DNAH17: variants seen among roughly 807,000 people sequenced by gnomAD.
DNAH17 encodes axonemal beta dynein heavy chain 17.
DNAH17 carries 376 observed loss-of-function variants against 485.6 expected under a neutral mutation model. The observed-to-expected ratio is 0.77, with a 90% CI of 0.71 to 0.84. The LOEUF is 0.84. Among genes scored for constraint, DNAH17 ranks in the 40% least tolerant of loss-of-function variants. The probability of loss-of-function intolerance (pLI) is 0.00; values close to 1 mark genes in which losing one functional copy is unlikely to be tolerated. For synonymous variants in DNAH17, 3,031 were observed against 2,405.9 expected, an observed-to-expected ratio of 1.26 and a Z score of -7.60; for missense variants, 6,370 against 5,839.3, an observed-to-expected ratio of 1.09 and a Z score of -2.96.
chr17:78,465,689 C>T (rs1029423260), intron 56 of DNAH17, among the ~76,000 whole-genome samples: 162 of 150,976 alleles, frequency 1.1e-3, no homozygotes, highest in Middle Eastern at 6.8e-3. Context: ...AGACCCTCTG[C>T]CCGGCAACCG....
rs374834495 is a variant in DNAH17 at position 78,505,480 on chromosome 17, G to C, written c.4804-35C>G. ...GGCAAGAAGCGGGAATTATGCAACGGGGGATTTGAAAGGCATGTGCGTGGC... is the reference window on the plus strand; with the variant it reads ...GGCAAGAAGCGGGAATTATGCAACGCGGGATTTGAAAGGCATGTGCGTGGC... On this transcript the variant is annotated intron_variant, in intron 30 of 80. Coordinates refer to ENST00000389840, the MANE Select transcript of DNAH17 (RefSeq NM_173628.4). The C allele has an allele frequency of 9.3e-6, 15 of 1,613,278 alleles. No individual in the cohort carries two copies. In the African/African-American group the frequency reaches 1.6e-4, roughly 17 times the overall value.
At chr17:78,468,167 A>AT (rs567896067) in intron 55 of DNAH17, among the ~76,000 whole-genome samples, 362 of 151,990 alleles carry the variant, frequency 2.4e-3, no homozygotes, top group Non-Finnish European at 4.1e-3. Context: ...TGTTAAAAAA[A>AT]AATAATAAAA....
At chr17:78,510,679 T>G in intron 26 of DNAH17, 173 bp from the exon 27 acceptor site, 1 of 782,104 alleles carries the variant, frequency 1.3e-6, no homozygotes, top group Non-Finnish European at 2.0e-6. Context: ...GGAAGTGACT[T>G]CTCCAAGCCT....
At chr17:78,503,091 A>G in intron 31 of DNAH17, 80 bp from the exon 32 acceptor site, 1 of 1,468,638 alleles carries the variant, frequency 6.8e-7, no homozygotes, top group Non-Finnish European at 9.1e-7. Context: ...TATTTGTTGT[A>G]AAGAAAAACA....
intron 20 of DNAH17, 41 bp from the exon 21 acceptor site, chr17:78,530,553 G>A (rs772523172): frequency 6.4e-7 from 1 of 1,570,806 alleles, no homozygotes; most frequent in South Asian, 1.2e-5. Flanking sequence ...TAGCCTGCAA[G>A]CCTAGGGGGG....
intron 18 of DNAH17, among the ~76,000 whole-genome samples, chr17:78,537,685 G>T (rs1022137614): frequency 1.3e-5 from 2 of 152,236 alleles, no homozygotes; most frequent in East Asian, 3.8e-4. Flanking sequence ...GCCAAAAGCA[G>T]GCAGGGGCAG....
intron 79 of DNAH17, 27 bp downstream of exon 79, chr17:78,426,430 A>G: frequency 6.4e-7 from 1 of 1,568,592 alleles, no homozygotes; most frequent in Non-Finnish European, 8.7e-7. Context: ...GAGTCTTAGG[A>G]AGCCTCTCAG....
chr17:78,534,013 T>TA (rs1056419715), intron 19 of DNAH17, among the ~76,000 whole-genome samples: 4 of 151,966 alleles, frequency 2.6e-5, no homozygotes, highest in Non-Finnish European at 2.9e-5. Flanking sequence ...AAAAATAAAA[T>TA]AAAAAAACCT....
In DNAH17 at chr17:78,428,712, A is replaced by G; in HGVS notation, c.12406-5T>C. On this transcript the variant is annotated splice_polypyrimidine_tract_variant and splice_region_variant and intron_variant, in intron 76 of 80. Transcript: ENST00000389840. Reference sequence around the variant, plus strand: ...ATCGATGTATTCGTGGTAACCCTGAAAAAGAGGGCAGTTTGTAAGCAGAGG... The same window carrying G: ...ATCGATGTATTCGTGGTAACCCTGAGAAAGAGGGCAGTTTGTAAGCAGAGG... 1 of 1,612,922 alleles carries G rather than the reference A, an allele frequency of 6.2e-7. No individual in the cohort carries two copies. Among genetic ancestry groups the G allele is most frequent in the East Asian group, 2.2e-5 (1 of 44,846 alleles).
rs1420929952 is a variant in DNAH17 at position 78,537,355 on chromosome 17, T to C, written c.2803A>G (p.Ile935Val). The change falls in exon 19 of 81, where the codon ATC becomes GTC. Residue 935 changes from isoleucine to valine, a missense_variant. Physicochemically the swap from Ile to Val is conservative, Grantham distance 29 (BLOSUM62 3). Coordinates refer to ENST00000389840, the MANE Select transcript of DNAH17 (RefSeq NM_173628.4). ...GGGATGAGCCTGGCTACGTTGTAGA[T>C]GTCGTTGACCAGGCCCTCGATCAGT... ...LALIEGLVND[I>V]YNVARLIPRL... 4 of 1,608,320 alleles carry C rather than the reference T, an allele frequency of 2.5e-6. 1 individual carries two copies. In the Admixed American group the frequency reaches 6.7e-5, roughly 27 times the overall value.
At chr17:78,467,650 A>G (rs1275397761) in intron 55 of DNAH17, among the ~76,000 whole-genome samples, 1 of 152,202 alleles carries the variant, frequency 6.6e-6, no homozygotes, top group Non-Finnish European at 1.5e-5. Context: ...CGCAAAGGGC[A>G]GCACCACTGA....
Position 78,425,544 on chromosome 17 carries a change from CA to C in DNAH17, c.12942del (p.Phe4314LeufsTer43), listed in dbSNP as rs1568032396. 6.2e-7 allele frequency: 1 copy of C among 1,612,448 alleles called. No individual in the cohort carries two copies. The highest frequency in any genetic ancestry group is 8.5e-7 in the Non-Finnish European group (1 of 1,179,174). On this transcript the variant is annotated frameshift_variant, in exon 80 of 81. Transcript: ENST00000389840. LOFTEE classifies it high-confidence loss of function. ...IRELEAWTTD[F>X]ALPTTVWLAG... ...GCCAGCCACACGGTGGTGGGCAGGG[CA>C]AAGTCTGTCGTCCAGGCCTCGAGTT...
chr17:78,564,245 C>G (rs148202120), intron 11 of DNAH17, among the ~76,000 whole-genome samples: 5 of 152,302 alleles, frequency 3.3e-5, no homozygotes, highest in East Asian at 1.9e-4. Context: ...CAGACCCGTA[C>G]GCTGGTCCTT....
At chr17:78,519,624 A>G (rs1189514530) in intron 25 of DNAH17, among the ~76,000 whole-genome samples, 1 of 152,270 alleles carries the variant, frequency 6.6e-6, no homozygotes, top group Non-Finnish European at 1.5e-5. Context: ...GCTTGCAGCC[A>G]TCTAGAGGAT....
Position 78,484,860 on chromosome 17 carries a change from CG to C in DNAH17, c.7649+7del. 6.5e-7 allele frequency: 1 copy of C among 1,545,424 alleles called. No individual in the cohort carries two copies. Among genetic ancestry groups the C allele is most frequent in the Admixed American group, 2.0e-5 (1 of 49,578 alleles). ...CACGCCTTCCCCTCCGGCCCCGCCC[CG>C]TCTAACCAGTGCCGGTGGTCCATGT... On this transcript the variant is annotated splice_region_variant and intron_variant, in intron 48 of 80. Coordinates refer to ENST00000389840, the MANE Select transcript of DNAH17 (RefSeq NM_173628.4).
intron 19 of DNAH17, among the ~76,000 whole-genome samples, chr17:78,536,872 A>T (rs1159664238): frequency 1.3e-5 from 2 of 151,850 alleles, no homozygotes; most frequent in African/African-American, 2.4e-5. Flanking sequence ...AGGTCACACG[A>T]TGTCATTTAA....
intron 21 of DNAH17, among the ~76,000 whole-genome samples, chr17:78,529,931 T>C (rs538767378): frequency 2.0e-5 from 3 of 152,282 alleles, no homozygotes; most frequent in African/African-American, 7.2e-5. Flanking sequence ...AGTCCCAAGC[T>C]ACGGCCACAT....
chr17:78,466,462 A>T (rs1236222850), intron 56 of DNAH17, among the ~76,000 whole-genome samples, 193 bp downstream of exon 56: 5 of 151,478 alleles, frequency 3.3e-5, no homozygotes, highest in Admixed American at 2.0e-4. Context: ...AAAAAAAAAT[A>T]AAAAATAAAA....
At position 78,426,937 on chromosome 17, in the gene DNAH17, G is replaced by C. The variant is rs1221445899; in HGVS notation, c.12760C>G (p.Leu4254Val). Residue 4254 changes from leucine to valine, a missense_variant, in exon 78 of 81, where the codon CTG (leucine) becomes GTG (valine). Coordinates refer to ENST00000389840, the MANE Select transcript of DNAH17 (RefSeq NM_173628.4). ...TGACCCATGTTTACCTTCAGCCCCA[G>C]GTTCAGCTCCTTGAGCGAACGGCGC... ...EMRRSLKELN[L>V]GLKGELTITT... 1 of 1,605,446 alleles carries C rather than the reference G, an allele frequency of 6.2e-7. No homozygotes were observed. The highest frequency in any genetic ancestry group is 1.1e-5 in the South Asian group (1 of 89,336).
Sources: allele counts gnomAD v4.1 joint callset (sites outside exome capture counted in the v4.1 genomes callset), GRCh38; gene constraint gnomAD v4.1.1; transcripts MANE v1.5; gene names NCBI Gene and HGNC (gene_info 2026-07-23, HGNC 2026-07-21).